Variants in EML5 observed in about 807,000 individuals in gnomAD.
EML5 encodes the protein EMAP like 5, also known as echinoderm microtubule-associated protein-like 5.
In EML5, 120 loss-of-function variants were observed where a neutral mutation model predicts 250.0. The observed-to-expected ratio is 0.48, with a 90% CI of 0.41 to 0.56. EML5 has a LOEUF of 0.56. EML5 is among the 20% of genes least tolerant of loss of function. The pLI is 0.00. For synonymous variants in EML5, 771 were observed against 806.5 expected (o/e 0.96, Z 0.75); for missense variants, 2,006 against 2,437.6 (o/e 0.82, Z 3.73).
intron 14 of EML5, among the ~76,000 whole-genome samples, chr14:88,699,099 G>A (rs78751991): frequency 1.0e-3 from 157 of 152,206 alleles, no homozygotes; most frequent in Non-Finnish European, 1.9e-3. Context: ...TCTCACTCAG[G>A]GATGAAGGGG....
In EML5 at chr14:88,792,827, AGCTCCTCAGCCGCCGCCCGCG is replaced by A; in HGVS notation, c.-345_-325del. 1 of 820,164 alleles carries A rather than the reference AGCTCCTCAGCCGCCGCCCGCG, an allele frequency of 1.2e-6. No homozygotes were observed. Among genetic ancestry groups the A allele is most frequent in the Non-Finnish European group, 1.5e-6 (1 of 676,684 alleles). The allele number at this position is 820,164 out of a possible 1,614,324, so 50.8% of individuals were successfully genotyped here. On this transcript the variant is annotated 5_prime_UTR_variant, in exon 1 of 44. Transcript: ENST00000554922. This position sits in a 1 kb window ranked among gnomAD's most constrained non-coding sequence, Gnocchi z 6.9. ...GGGCCGAGAGCGAGGGCCCGCCTCC[AGCTCCTCAGCCGCCGCCCGCG>A]CACGCAGCTCCCAGCCCCGGTCACC...
chr14:88,780,939 C>G (rs2140767809), intron 1 of EML5, among the ~76,000 whole-genome samples: 1 of 152,286 alleles, frequency 6.6e-6, no homozygotes, highest in Non-Finnish European at 1.5e-5. Flanking sequence ...TTAATCATAT[C>G]TATAAAATAC....
At chr14:88,714,788 A>G (rs901623422) in intron 9 of EML5, 151 bp downstream of exon 9, 5 of 635,310 alleles carry the variant, frequency 7.9e-6, no homozygotes, top group African/African-American at 5.5e-5. Flanking sequence ...AATATATTGT[A>G]TTATATTGTA....
chr14:88,622,913 G>T, intron 36 of EML5, 195 bp from the exon 37 acceptor site: 5 of 406,978 alleles, frequency 1.2e-5, no homozygotes, highest in South Asian at 8.1e-5. Flanking sequence ...TAAACATCCA[G>T]TTTCAGTGAA....
At chr14:88,669,734 GGGGTAGTCAGAGTGCTTCATTAAGT>G (rs1442499084) in intron 21 of EML5, among the ~76,000 whole-genome samples, 1 of 152,202 alleles carries the variant, frequency 6.6e-6, no homozygotes, top group Non-Finnish European at 1.5e-5. Flanking sequence ...CCTCTGCCAA[GGGGTAGTCAGAGTGCTTCATTAAGT>G]GGGTCCTGGA....
At chr14:88,699,058 T>C (rs2093147491) in intron 14 of EML5, among the ~76,000 whole-genome samples, 3 of 152,138 alleles carry the variant, frequency 2.0e-5, no homozygotes, top group African/African-American at 4.8e-5. Context: ...TTTAGTATAA[T>C]ATTGAGTACT....
intron 11 of EML5, among the ~76,000 whole-genome samples, chr14:88,706,043 T>C (rs1230927511): frequency 6.6e-6 from 1 of 152,210 alleles, no homozygotes; most frequent in East Asian, 1.9e-4. Context: ...CATTATTTGA[T>C]AGATTAAAAC....
At chr14:88,705,404 C>T (rs937324714) in intron 12 of EML5, 78 bp downstream of exon 12, 44 of 1,048,324 alleles carry the variant, frequency 4.2e-5, no homozygotes, top group Non-Finnish European at 5.8e-5. Flanking sequence ...CAAAAGATAA[C>T]AACAGATGAC....
In EML5 at chr14:88,681,951, G is replaced by A; in HGVS notation, c.3063C>T (p.Thr1021=). 3.7e-6 allele frequency: 6 copies of A among 1,613,416 alleles called. No homozygotes were observed. The highest frequency in any genetic ancestry group is 4.2e-6 in the Non-Finnish European group (5 of 1,179,708). Residue 1021 remains threonine, a synonymous_variant, in exon 21 of 44, where the codon ACC becomes ACT. Transcript: ENST00000554922. ...TAGGTGAGAGATCCCATATTCTTAA[G>A]GTTTTATCATCGCTTACAGTAGCAC... The part of the protein sequence containing the change: ...PICATVSDDK[T]LRIWDLSPSH...
chr14:88,624,209 A>T (rs1144914), intron 36 of EML5: 143,423 of 152,354 alleles, frequency 0.94, 67,936 homozygotes, highest in Non-Finnish European at 1. Flanking sequence ...CCTGAGTAGC[A>T]GGGACTACAG....
intron 28 of EML5, 117 bp downstream of exon 28, chr14:88,649,795 G>T: frequency 2.5e-6 from 2 of 808,170 alleles, no homozygotes; most frequent in Non-Finnish European, 3.8e-6. Context: ...ATTTTATAAT[G>T]CTTTGTTGAC....
chr14:88,670,366 C>T (rs1018594963), intron 21 of EML5, among the ~76,000 whole-genome samples: 1 of 143,132 alleles, frequency 7.0e-6, no homozygotes, highest in Non-Finnish European at 1.5e-5. Flanking sequence ...ACACCAACAA[C>T]AAAAGCATCA....
At chr14:88,728,207 T>TG (rs1370555909) in intron 7 of EML5, among the ~76,000 whole-genome samples, 1 of 149,954 alleles carries the variant, frequency 6.7e-6, no homozygotes, top group Non-Finnish European at 1.5e-5. Context: ...AGACTTTTTT[T>TG]TTTTGTCATT....
At chr14:88,684,976 T>A (rs745909109) in intron 20 of EML5, 39 bp downstream of exon 20, 8 of 1,561,536 alleles carry the variant, frequency 5.1e-6, no homozygotes, top group Non-Finnish European at 7.0e-6. Context: ...TAATCAATTG[T>A]ATGTAAAGAA....
chr14:88,782,223 A>T (rs750800864), intron 1 of EML5, among the ~76,000 whole-genome samples: 7 of 152,208 alleles, frequency 4.6e-5, no homozygotes, highest in Non-Finnish European at 8.8e-5. Flanking sequence ...ATGCAAAGAG[A>T]CTGGCAGCAT....
chr14:88,652,046 G>T (rs1327601731), intron 27 of EML5, among the ~76,000 whole-genome samples: 6 of 152,116 alleles, frequency 3.9e-5, no homozygotes, highest in Non-Finnish European at 8.8e-5. Context: ...TTACCCATTT[G>T]TCTGACTCCA....
chr14:88,699,319 A>G (rs191473039), intron 14 of EML5, among the ~76,000 whole-genome samples: 83 of 152,196 alleles, frequency 5.5e-4, no homozygotes, highest in African/African-American at 1.9e-3. Flanking sequence ...AAAGAGGCAA[A>G]TAGAAAGAGA....
At chr14:88,768,467 A>G (rs1595837568) in intron 1 of EML5, among the ~76,000 whole-genome samples, 1 of 151,830 alleles carries the variant, frequency 6.6e-6, no homozygotes, top group Non-Finnish European at 1.5e-5. Flanking sequence ...CTGGAGTGCA[A>G]TGGCGCAATC....
chr14:88,752,352 T>C (rs942523228), intron 2 of EML5, among the ~76,000 whole-genome samples: 17 of 152,208 alleles, frequency 1.1e-4, no homozygotes, highest in African/African-American at 3.9e-4. Flanking sequence ...TTTTTAAAAA[T>C]AACTTTGTAG....
Sources: allele counts gnomAD v4.1 joint callset (sites outside exome capture counted in the v4.1 genomes callset), GRCh38; gene constraint gnomAD v4.1.1; non-coding constraint Gnocchi (gnomAD v3.1); transcripts MANE v1.5; gene names NCBI Gene and HGNC (gene_info 2026-07-23, HGNC 2026-07-21).